Variants in DOCK11 observed in about 807,000 individuals in gnomAD.
The protein encoded by DOCK11 is dedicator of cytokinesis protein 11.
Under a neutral mutation model 169.1 loss-of-function variants are expected in DOCK11, and 70 were observed. The ratio of observed to expected loss-of-function variants is 0.41; its 90% CI spans 0.34 to 0.51. The LOEUF is 0.51. Ranked by LOEUF, DOCK11 falls within the 20% of genes least tolerant of loss-of-function variation. The pLI, the probability that DOCK11 is intolerant of heterozygous loss-of-function variation, is 0.10. For synonymous variants in DOCK11, 529 were observed against 541.3 expected (o/e 0.98, Z 0.32); for missense variants, 1,166 against 1,538.8 (o/e 0.76, Z 4.05).
intron 1 of DOCK11, among the ~76,000 whole-genome samples, chrX:118,532,800 A>G (rs2011630587): frequency 9.5e-6 from 1 of 105,597 alleles, no homozygotes; most frequent in Non-Finnish European, 1.9e-5. Flanking sequence ...AAAAAAAAAG[A>G]AGGTGTGCCT....
intron 1 of DOCK11, among the ~76,000 whole-genome samples, chrX:118,497,342 A>T (rs748907175): frequency 8.9e-6 from 1 of 111,997 alleles, no homozygotes; most frequent in Non-Finnish European, 1.9e-5. Flanking sequence ...CAGTGGAGAA[A>T]GTTGACATTA....
At position 118,588,692 on chromosome X, in the gene DOCK11, C is replaced by T. The variant is rs1442252105; in HGVS notation, c.2046+214C>T. On this transcript the variant is annotated intron_variant, in intron 18 of 52. Coordinates refer to ENST00000276202, the MANE Select transcript of DOCK11 (RefSeq NM_144658.4). ...GGAGCATATATAGCTTTAAAAATGC[C>T]AGGTTTTGGCTTTTGCTCCTTTTTG... is the stretch of plus-strand genomic sequence containing the variant. Among the ~76,000 whole-genome samples the T allele has an allele frequency of 1.4e-4, 16 of 112,056 alleles. No homozygotes were observed. In the Admixed American group the frequency reaches 1.5e-3, roughly 11 times the overall value.
chrX:118,645,084 G>T (rs779782127), intron 40 of DOCK11, among the ~76,000 whole-genome samples: 7 of 111,883 alleles, frequency 6.3e-5, no homozygotes, highest in African/African-American at 2.3e-4. Context: ...ACAGTATGGT[G>T]GAGTGTGGTG....
In DOCK11 at chrX:118,573,853, T is replaced by C. The variant is rs1218950177; in HGVS notation, c.1224T>C (p.Asn408=). The C allele has an allele frequency of 1.7e-6, 2 of 1,209,161 alleles. No homozygotes were observed. The highest frequency in any genetic ancestry group is 2.2e-5 in the Admixed American group (1 of 45,602). Residue 408 remains asparagine, a synonymous_variant, in exon 12 of 53, where the codon AAT becomes AAC. Coordinates refer to ENST00000276202, the MANE Select transcript of DOCK11 (RefSeq NM_144658.4). The part of the protein sequence containing the change: ...INLALFDVKN[N]CKISADFHVD... ...TTGCCTTATTTGATGTAAAGAACAA[T>C]TGTAAGATTTCAGCAGACTTTCATG...
At chrX:118,558,985 T>A (rs1454099786) in intron 6 of DOCK11, among the ~76,000 whole-genome samples, 1 of 112,287 alleles carries the variant, frequency 8.9e-6, no homozygotes, top group East Asian at 2.8e-4. Flanking sequence ...AGAATCAGTA[T>A]CATAAGACTT....
chrX:118,646,418 G>A (rs1475997998), intron 40 of DOCK11, among the ~76,000 whole-genome samples: 1 of 111,477 alleles, frequency 9.0e-6, no homozygotes. Flanking sequence ...AGACGAATCT[G>A]TAAGGGAGAT....
rs199985433 is a variant in DOCK11 at position 118,639,466 on chromosome X, G to A, written c.4033G>A (p.Gly1345Arg). ...VHDAWLSKHF[G>R]IDRKSQTMPA... The stretch of plus-strand genomic sequence containing the variant: ...TGATGCCTGGCTGTCAAAACACTTC[G>A]GAATAGACCGAAAATCGCAAACCAT... The change falls in exon 38 of 53, where the codon GGA becomes AGA. Residue 1345 changes from glycine to arginine, a missense_variant. Transcript: ENST00000276202. 37 of 1,209,039 alleles carry A rather than the reference G, an allele frequency of 3.1e-5. No individual in the cohort carries two copies. Among genetic ancestry groups the A allele is most frequent in the East Asian group, 8.9e-5 (3 of 33,764 alleles).
chrX:118,521,073 A>G (rs1294903010), intron 1 of DOCK11, among the ~76,000 whole-genome samples: 3 of 111,681 alleles, frequency 2.7e-5, no homozygotes, highest in Non-Finnish European at 5.6e-5. Flanking sequence ...CTCATTCCTT[A>G]TCATTACCAG....
At chrX:118,581,954 A>T (rs1317300328) in intron 14 of DOCK11, among the ~76,000 whole-genome samples, 1 of 109,342 alleles carries the variant, frequency 9.1e-6, no homozygotes, top group Non-Finnish European at 1.9e-5. Context: ...ACATGGTGAA[A>T]CCCCGTCTCT....
At chrX:118,546,208 A>AC in intron 6 of DOCK11, 92 bp downstream of exon 6, 1 of 235,456 alleles carries the variant, frequency 4.2e-6, no homozygotes, top group Non-Finnish European at 6.8e-6. Flanking sequence ...AAAGAGCCCT[A>AC]GCAAAAAAAA....
At chrX:118,674,534 A>G (rs1287815589) in intron 46 of DOCK11, among the ~76,000 whole-genome samples, 1 of 112,457 alleles carries the variant, frequency 8.9e-6, no homozygotes, top group African/African-American at 3.2e-5. Context: ...ATTCCATTGT[A>G]TGGATATACT....
At chrX:118,496,206 G>A (rs977644397) in intron 1 of DOCK11, 133 bp downstream of exon 1, 2 of 406,903 alleles carry the variant, frequency 4.9e-6, no homozygotes, top group Non-Finnish European at 3.4e-6. Context: ...GTAAGTTTTC[G>A]CACCGGCAGC....
At chrX:118,580,380 G>C (rs1010382808) in intron 14 of DOCK11, among the ~76,000 whole-genome samples, 47 of 111,605 alleles carry the variant, frequency 4.2e-4, no homozygotes, top group African/African-American at 1.4e-3. Flanking sequence ...GCAGTGGCGC[G>C]ATCTCGGCTC....
chrX:118,635,287 G>A (rs367634967), intron 35 of DOCK11, among the ~76,000 whole-genome samples: 91 of 111,678 alleles, frequency 8.1e-4, no homozygotes, highest in African/African-American at 2.6e-3. Context: ...ACACCTATGC[G>A]ATTTTTACAG....
Position 118,588,266 on chromosome X carries a change from A to G in DOCK11, c.1925A>G (p.His642Arg). ...YCYPFTIYKN[H>R]LYVYPLQLKY... ...TATCCATTTACTATTTACAAAAACC[A>G]TCTGTATGTATATCCCCTGCAATTA... Residue 642 changes from histidine (H) to arginine (R), a missense_variant, in exon 17 of 53, where the codon CAT (histidine) becomes CGT (arginine). His to Arg is a conservative substitution (Grantham distance 29). Transcript: ENST00000276202. 1 of 1,200,034 alleles carries G rather than the reference A, an allele frequency of 8.3e-7. No individual in the cohort carries two copies. Among genetic ancestry groups the G allele is most frequent in the Non-Finnish European group, 1.1e-6 (1 of 890,219 alleles).
chrX:118,547,208 G>A (rs1447751375), intron 6 of DOCK11, among the ~76,000 whole-genome samples: 1 of 111,196 alleles, frequency 9.0e-6, no homozygotes, highest in Non-Finnish European at 1.9e-5. Flanking sequence ...AAAATCATGT[G>A]GTTTTCTGAG....
rs758540994 is a variant in DOCK11, at chrX:118,511,068, A to C, written c.102+14995A>C. Reference sequence around the variant, plus strand: ...GGCACAGAGCTTTGCTGTCCTGAAGAAGCACTCTATCGTAGATGTGGATTG... The same window carrying C: ...GGCACAGAGCTTTGCTGTCCTGAAGCAGCACTCTATCGTAGATGTGGATTG... On this transcript the variant is annotated intron_variant, in intron 1 of 52. Coordinates refer to ENST00000276202, the MANE Select transcript of DOCK11 (RefSeq NM_144658.4). Among the ~76,000 whole-genome samples the C allele has an allele frequency of 1.2e-4, 13 of 112,285 alleles. No individual in the cohort carries two copies. The East Asian group carries it at 3.4e-3, about 29-fold the overall frequency.
In DOCK11 at chrX:118,654,893, T is replaced by C. The variant is rs190994149; in HGVS notation, c.4912-11T>C. 9.9e-5 allele frequency: 119 copies of C among 1,208,113 alleles called. No individual in the cohort carries two copies. The East Asian group carries it at 2.8e-3, about 29-fold the overall frequency. On this transcript the variant is annotated splice_polypyrimidine_tract_variant and intron_variant, in intron 43 of 52. Coordinates refer to ENST00000276202, the MANE Select transcript of DOCK11 (RefSeq NM_144658.4). ...TGTTCTGACAGTTCTTTCTCTGTCA[T>C]CCTTTTTCAGGCTGCGATGTGTTAT...
chrX:118,506,717 T>TA (rs2057615166), intron 1 of DOCK11, among the ~76,000 whole-genome samples: 2 of 112,345 alleles, frequency 1.8e-5, no homozygotes, highest in Admixed American at 1.9e-4. Context: ...TTTTAAAACT[T>TA]AAAGCTGTCT....
Sources: gnomAD v4.1 joint callset for allele counts (sites outside exome capture counted in the v4.1 genomes callset) on GRCh38, gnomAD v4.1.1 for gene constraint, MANE v1.5 for transcripts, NCBI Gene and HGNC (gene_info 2026-07-23, HGNC 2026-07-21) for gene names.